Variants in PPP2R5E observed in about 807,000 individuals in gnomAD.
The protein encoded by PPP2R5E is serine/threonine-protein phosphatase 2A 56 kDa regulatory subunit epsilon isoform.
In PPP2R5E, 4 loss-of-function variants were observed where a neutral mutation model predicts 65.3. The observed-to-expected ratio is 0.06, with a 90% CI of 0.03 to 0.14. PPP2R5E has a LOEUF of 0.14. Ranked by LOEUF, PPP2R5E falls within the 10% of genes least tolerant of loss-of-function variation. The pLI is 1.00. For missense variants in PPP2R5E, 274 were observed against 556.1 expected (o/e 0.49, Z 5.10); for synonymous variants, 183 against 187.4 (o/e 0.98, Z 0.19).
At chr14:63,466,273 CAA>C (rs550383242) in intron 2 of PPP2R5E, among the ~76,000 whole-genome samples, 2 of 118,284 alleles carry the variant, frequency 1.7e-5, no homozygotes, top group African/African-American at 6.1e-5. Flanking sequence ...TTTAAAAATA[CAA>C]AAAAAAAAAA....
In PPP2R5E at chr14:63,529,197, G is replaced by A. The variant is rs1893305837; in HGVS notation, c.157+10332C>T. Among the ~76,000 whole-genome samples the A allele has an allele frequency of 2.0e-5, 3 of 152,048 alleles. No individual in the cohort carries two copies. The South Asian group carries it at 6.2e-4, about 32-fold the overall frequency. ...GGTTGATCTTGAACACCTGGCCTCA[G>A]GAGATCCTCCTGCGTCCTCCCAAAG... On this transcript the variant is annotated intron_variant, in intron 2 of 13. Coordinates refer to ENST00000337537, the MANE Select transcript of PPP2R5E (RefSeq NM_006246.5).
intron 3 of PPP2R5E, among the ~76,000 whole-genome samples, chr14:63,423,246 C>A (rs1208009398): frequency 6.6e-6 from 1 of 152,098 alleles, no homozygotes; most frequent in East Asian, 1.9e-4. Context: ...CAGGCGCATG[C>A]CACCACACCC....
At chr14:63,406,452 T>C (rs552467800) in intron 5 of PPP2R5E, among the ~76,000 whole-genome samples, 1 of 152,104 alleles carries the variant, frequency 6.6e-6, no homozygotes, top group East Asian at 1.9e-4. Context: ...CAGACTGTTT[T>C]GTCTGGCTCT....
In PPP2R5E at chr14:63,374,436, G is replaced by A. The variant is rs1883864349; in HGVS notation, c.*1573C>T. 6.6e-6 allele frequency: 1 copy of A among 151,654 alleles called. No homozygotes were observed. Among genetic ancestry groups the A allele is most frequent in the Non-Finnish European group, 1.5e-5 (1 of 67,930 alleles). 9.4% of individuals were successfully genotyped at this position (151,654 alleles called of 1,614,324 possible). A position where few individuals can be genotyped will look rare whatever the true frequency, so the allele number is the denominator to read the frequency against. ...ACCATGAATACTGCTGGAAGTGATGGTTTAGGATTACCAACTCACTGCTGC... is the reference window on the plus strand; with the variant it reads ...ACCATGAATACTGCTGGAAGTGATGATTTAGGATTACCAACTCACTGCTGC... On this transcript the variant is annotated 3_prime_UTR_variant, in exon 14 of 14. Transcript: ENST00000337537.
chr14:63,448,624 A>T (rs1164043442), intron 3 of PPP2R5E, among the ~76,000 whole-genome samples: 1 of 151,806 alleles, frequency 6.6e-6, no homozygotes, highest in Non-Finnish European at 1.5e-5. Flanking sequence ...CCCTGTCTCT[A>T]CTAAAAATAC....
intron 2 of PPP2R5E, among the ~76,000 whole-genome samples, chr14:63,534,911 T>C (rs534014999): frequency 6.6e-6 from 1 of 152,294 alleles, no homozygotes; most frequent in East Asian, 1.9e-4. Flanking sequence ...TGAGCCACCA[T>C]ACCCAGCCTC....
At chr14:63,454,397 G>A (rs1003545260) in intron 2 of PPP2R5E, among the ~76,000 whole-genome samples, 1 of 152,088 alleles carries the variant, frequency 6.6e-6, no homozygotes, top group African/African-American at 2.4e-5. Context: ...TCTGTATGAA[G>A]TTTCTTTCTG....
At chr14:63,462,177 T>C (rs530491060) in intron 2 of PPP2R5E, among the ~76,000 whole-genome samples, 1 of 152,128 alleles carries the variant, frequency 6.6e-6, no homozygotes, top group East Asian at 1.9e-4. Context: ...TTCACGCCAT[T>C]CTCCTGCTTC....
chr14:63,487,771 A>G (rs1223902353), intron 2 of PPP2R5E, among the ~76,000 whole-genome samples: 3 of 152,110 alleles, frequency 2.0e-5, no homozygotes, highest in Non-Finnish European at 4.4e-5. Flanking sequence ...ACTCAACAAC[A>G]CTTAATTTCA....
intron 3 of PPP2R5E, among the ~76,000 whole-genome samples, chr14:63,444,549 T>C (rs1271530478): frequency 6.6e-6 from 1 of 151,938 alleles, no homozygotes; most frequent in Non-Finnish European, 1.5e-5. Context: ...TAAAACAATG[T>C]CTTCACCCAT....
intron 5 of PPP2R5E, among the ~76,000 whole-genome samples, chr14:63,400,438 C>T (rs1363430585): frequency 1.3e-5 from 2 of 152,162 alleles, no homozygotes; most frequent in South Asian, 2.1e-4. Context: ...ATGAGTGCTC[C>T]TCACAGGTTC....
chr14:63,541,489 C>G (rs558670677), intron 1 of PPP2R5E, among the ~76,000 whole-genome samples: 23 of 152,266 alleles, frequency 1.5e-4, no homozygotes, highest in African/African-American at 5.3e-4. Context: ...AAGTAACAAG[C>G]GTTAAGCTTA....
intron 1 of PPP2R5E, 62 bp downstream of exon 1, chr14:63,542,717 C>T (rs1893954544): frequency 6.5e-6 from 1 of 153,386 alleles, no homozygotes; most frequent in African/African-American, 2.4e-5. Flanking sequence ...CATAGGTTCC[C>T]CAGGAGGACC....
At chr14:63,393,532 T>TA (rs1566670262) in intron 8 of PPP2R5E, among the ~76,000 whole-genome samples, 1 of 151,990 alleles carries the variant, frequency 6.6e-6, no homozygotes, top group South Asian at 2.1e-4. Context: ...GCCAACATGG[T>TA]AAAACCCCGT....
At chr14:63,501,150 A>G (rs1594945921) in intron 2 of PPP2R5E, among the ~76,000 whole-genome samples, 1 of 152,280 alleles carries the variant, frequency 6.6e-6, no homozygotes, top group East Asian at 1.9e-4. Flanking sequence ...CTGTAATCCC[A>G]GCACTTTGGG....
intron 3 of PPP2R5E, among the ~76,000 whole-genome samples, chr14:63,438,284 T>C (rs1371700731): frequency 6.6e-6 from 1 of 152,084 alleles, no homozygotes; most frequent in African/African-American, 2.4e-5. Context: ...AATAAATCCC[T>C]CTCTTTCATT....
chr14:63,406,051 T>C (rs1886062754), intron 5 of PPP2R5E, among the ~76,000 whole-genome samples: 1 of 152,194 alleles, frequency 6.6e-6, no homozygotes, highest in African/African-American at 2.4e-5. Flanking sequence ...GAGCCAGTCA[T>C]ACTATTCTAG....
chr14:63,432,322 G>T (rs1191961294), intron 3 of PPP2R5E, among the ~76,000 whole-genome samples: 1 of 152,142 alleles, frequency 6.6e-6, no homozygotes, highest in African/African-American at 2.4e-5. Context: ...GCTGATAATT[G>T]TTATGATGAA....
At chr14:63,507,200 C>G (rs1465859983) in intron 2 of PPP2R5E, among the ~76,000 whole-genome samples, 1 of 152,198 alleles carries the variant, frequency 6.6e-6, no homozygotes, top group Non-Finnish European at 1.5e-5. Context: ...CATCAGTGGG[C>G]CTTCAAAAAC....
Sources: allele counts gnomAD v4.1 joint callset (sites outside exome capture counted in the v4.1 genomes callset), GRCh38; gene constraint gnomAD v4.1.1; transcripts MANE v1.5; gene names NCBI Gene and HGNC (gene_info 2026-07-23, HGNC 2026-07-21).